STARD13: variants seen among roughly 807,000 people sequenced by gnomAD.
The protein encoded by STARD13 is StAR related lipid transfer domain containing 13.
In STARD13, 62 loss-of-function variants were observed where a neutral mutation model predicts 106.4. The ratio of observed to expected loss-of-function variants is 0.58; its 90% CI spans 0.48 to 0.72. The LOEUF is 0.72. STARD13 is among the 30% of genes least tolerant of loss of function. The pLI, the probability that STARD13 is intolerant of heterozygous loss-of-function variation, is 0.00. For synonymous variants in STARD13, 565 were observed against 553.0 expected (o/e 1.02, Z -0.31); for missense variants, 1,387 against 1,424.0 (o/e 0.97, Z 0.42).
chr13:33,374,707 G>A, the STARD13 span, among the ~76,000 whole-genome samples: 1 of 152,056 alleles, frequency 6.6e-6, no homozygotes, highest in Admixed American at 6.6e-5. Context: ...AGATGGTGGG[G>A]GCAGGTATCC....
chr13:33,385,856 A>C, the STARD13 span, among the ~76,000 whole-genome samples: 5 of 147,526 alleles, frequency 3.4e-5, no homozygotes, highest in African/African-American at 1.0e-4. Flanking sequence ...GTCTCAAAAA[A>C]AAAAAAACAA....
At chr13:33,584,562 G>T in the STARD13 span, among the ~76,000 whole-genome samples, 1 of 151,996 alleles carries the variant, frequency 6.6e-6, no homozygotes, top group Non-Finnish European at 1.5e-5. Flanking sequence ...TGAGATTTGG[G>T]GGTAAAGTGA....
At chr13:33,115,411 C>T (rs544375628) in intron 8 of STARD13, among the ~76,000 whole-genome samples, 11 of 152,324 alleles carry the variant, frequency 7.2e-5, no homozygotes, top group South Asian at 6.2e-4. Context: ...TCTCCATGCT[C>T]GTCCAGTTCG....
chr13:33,555,686 T>TC, the STARD13 span, among the ~76,000 whole-genome samples: 1 of 152,218 alleles, frequency 6.6e-6, no homozygotes, highest in Non-Finnish European at 1.5e-5. Flanking sequence ...TTAAGCATTG[T>TC]CCTGCTAGAC....
upstream of STARD13, among the ~76,000 whole-genome samples, chr13:33,287,926 G>A (rs1892138539): frequency 6.6e-6 from 1 of 152,038 alleles, no homozygotes; most frequent in South Asian, 2.1e-4. Flanking sequence ...AAAGGTAAAG[G>A]TGAGGAAAAA....
At chr13:33,545,956 A>G in the STARD13 span, among the ~76,000 whole-genome samples, 1 of 152,372 alleles carries the variant, frequency 6.6e-6, no homozygotes, top group East Asian at 1.9e-4. Context: ...AGAAAAATAA[A>G]TGGACTAAGA....
At chr13:33,346,160 C>T (rs978892367), downstream of STARD13, among the ~76,000 whole-genome samples, 1 of 152,170 alleles carries the variant, frequency 6.6e-6, no homozygotes. Context: ...CAGCCAACAG[C>T]CAGAGAGAAA....
At chr13:33,200,552 G>T (rs1319056706) in intron 1 of STARD13, among the ~76,000 whole-genome samples, 1 of 152,228 alleles carries the variant, frequency 6.6e-6, no homozygotes, top group African/African-American at 2.4e-5. Context: ...CATTGCATGT[G>T]TGCTTGGCTG....
the STARD13 span, among the ~76,000 whole-genome samples, chr13:33,376,945 G>A: frequency 2.6e-5 from 4 of 152,314 alleles, no homozygotes; most frequent in African/African-American, 9.6e-5. Flanking sequence ...GGCCACTGTG[G>A]GGAAAAGGAG....
chr13:33,543,018 G>T, the STARD13 span, among the ~76,000 whole-genome samples: 1 of 152,244 alleles, frequency 6.6e-6, no homozygotes, highest in Non-Finnish European at 1.5e-5. Flanking sequence ...CTGCCTGTAG[G>T]AGGAGCTTTA....
the STARD13 span, among the ~76,000 whole-genome samples, chr13:33,674,901 T>G: frequency 2.6e-5 from 4 of 152,208 alleles, no homozygotes; most frequent in Non-Finnish European, 4.4e-5. Flanking sequence ...ATATTTATCC[T>G]CACATACATA....
intron 3 of STARD13, among the ~76,000 whole-genome samples, chr13:33,152,038 T>C (rs1053359272): frequency 2.0e-5 from 3 of 152,138 alleles, no homozygotes; most frequent in African/African-American, 7.2e-5. Flanking sequence ...CATGCTCATG[T>C]TTGGATATGT....
chr13:33,360,422 T>C, the STARD13 span, among the ~76,000 whole-genome samples: 26 of 151,878 alleles, frequency 1.7e-4, no homozygotes, highest in African/African-American at 6.3e-4. Flanking sequence ...GCCAGGCTGG[T>C]CTCTATCTCC....
upstream of STARD13, among the ~76,000 whole-genome samples, chr13:33,289,026 T>C: frequency 6.6e-6 from 1 of 152,198 alleles, no homozygotes; most frequent in South Asian, 2.1e-4. Context: ...AAGTGGCTAG[T>C]TCTCTCTCTG....
the STARD13 span, among the ~76,000 whole-genome samples, chr13:33,519,264 C>CTATA: frequency 1.1e-4 from 16 of 143,574 alleles, no homozygotes; most frequent in South Asian, 3.6e-3. Flanking sequence ...TTCTTTCTTT[C>CTATA]TTTCTTTCTT....
intron 1 of STARD13, among the ~76,000 whole-genome samples, chr13:33,238,194 G>A (rs1889289202): frequency 1.3e-5 from 2 of 152,110 alleles, no homozygotes; most frequent in Admixed American, 1.3e-4. Flanking sequence ...ATTCAACATT[G>A]AACACAACAG....
At chr13:33,482,453 G>A in the STARD13 span, among the ~76,000 whole-genome samples, 3 of 152,056 alleles carry the variant, frequency 2.0e-5, no homozygotes, top group Non-Finnish European at 4.4e-5. Context: ...TCAATAAAAA[G>A]CATTTTGTTG....
At chr13:33,178,689 A>G (rs1488042131) in intron 1 of STARD13, among the ~76,000 whole-genome samples, 1 of 152,210 alleles carries the variant, frequency 6.6e-6, no homozygotes, top group East Asian at 1.9e-4. Context: ...TGGAAAGTGG[A>G]GATTTTATGT....
chr13:33,116,178 T>C (rs1875344929), intron 8 of STARD13, among the ~76,000 whole-genome samples: 1 of 152,224 alleles, frequency 6.6e-6, no homozygotes. Context: ...TTTGTATGTC[T>C]GCCATACATG....
Sources: allele counts gnomAD v4.1 joint callset (sites outside exome capture counted in the v4.1 genomes callset), GRCh38; gene constraint gnomAD v4.1.1; transcripts MANE v1.5; gene names NCBI Gene and HGNC (gene_info 2026-07-23, HGNC 2026-07-21).